SMAD2: variants seen among roughly 807,000 people sequenced by gnomAD.
SMAD2 encodes the protein MAD homolog 2.
A neutral mutation model predicts 64.4 loss-of-function variants in SMAD2; 8 were observed. That is an observed-to-expected ratio of 0.12 (90% confidence interval 0.07 to 0.22). SMAD2 has a LOEUF of 0.22. Ranked by LOEUF, SMAD2 falls within the 10% of genes least tolerant of loss-of-function variation. The probability of loss-of-function intolerance (pLI) is 1.00; values close to 1 mark genes in which losing one functional copy is unlikely to be tolerated. For synonymous variants in SMAD2, 203 were observed against 195.8 expected, an observed-to-expected ratio of 1.04 and a Z score of -0.31; for missense variants, 289 against 561.2, an observed-to-expected ratio of 0.51 and a Z score of 4.90.
chr18:47,834,016 A>C lies in SMAD2; in HGVS notation c.*7811T>G. ...TAACATCAGTTACCTTAGCTGGATC[A>C]CTAAGTGTGAGTCTCACCACCATAC... On this transcript the variant is annotated 3_prime_UTR_variant, in exon 11 of 11. Transcript: ENST00000262160. 1 of 221,842 alleles carries C rather than the reference A, an allele frequency of 4.5e-6. No homozygotes were observed. The highest frequency in any genetic ancestry group is 6.5e-5 in the East Asian group (1 of 15,310). The allele number at this position is 221,842 out of a possible 1,614,324, so 13.7% of individuals were successfully genotyped here. A position where few individuals can be genotyped will look rare whatever the true frequency, so the allele number is the denominator to read the frequency against.
chr18:47,881,703 A>G (rs936772727), intron 2 of SMAD2, among the ~76,000 whole-genome samples: 1 of 152,170 alleles, frequency 6.6e-6, no homozygotes, highest in Non-Finnish European at 1.5e-5. Flanking sequence ...GTAAATCCTT[A>G]GCTGTTAGTG....
Position 47,838,108 on chromosome 18 carries a change from C to T in SMAD2, c.*3719G>A, listed in dbSNP as rs11082635. On this transcript the variant is annotated 3_prime_UTR_variant, in exon 11 of 11. Transcript: ENST00000262160. The stretch of plus-strand genomic sequence containing the variant: ...TTATTTGATTTCAACTAGCAAGAGA[C>T]TAAGACTGATGTTTGTTTGTTTGTT... The T allele has an allele frequency of 4.3e-6, 1 of 232,884 alleles. No individual in the cohort carries two copies. Among genetic ancestry groups the T allele is most frequent in the South Asian group, 1.8e-4 (1 of 5,516 alleles). The allele number at this position is 232,884 out of a possible 1,614,324, so 14.4% of individuals were successfully genotyped here. A position where few individuals can be genotyped will look rare whatever the true frequency, so the allele number is the denominator to read the frequency against.
At chr18:47,869,534 G>A (rs533486284) in intron 3 of SMAD2, 98 bp from the exon 4 acceptor site, 1 of 825,154 alleles carries the variant, frequency 1.2e-6, no homozygotes, top group South Asian at 1.6e-5. Flanking sequence ...AAAGCATAAA[G>A]AAAAGAATGA....
At chr18:47,855,983 GAATA>G (rs1416979991) in intron 6 of SMAD2, among the ~76,000 whole-genome samples, 3 of 152,066 alleles carry the variant, frequency 2.0e-5, no homozygotes, top group African/African-American at 4.8e-5. Context: ...ATCAACAGAT[GAATA>G]AATAAAGAAA....
chr18:47,859,678 A>G (rs1486012544), intron 6 of SMAD2, among the ~76,000 whole-genome samples: 1 of 152,196 alleles, frequency 6.6e-6, no homozygotes, highest in African/African-American at 2.4e-5. Context: ...TGTGTACATT[A>G]TAAACAAATC....
chr18:47,917,523 A>ATT (rs2144531787), intron 1 of SMAD2, among the ~76,000 whole-genome samples: 1 of 151,876 alleles, frequency 6.6e-6, no homozygotes, highest in Non-Finnish European at 1.5e-5. Context: ...ATACCTATGC[A>ATT]TTTTTCTTTT....
chr18:47,877,096 AAAGT>A (rs1364746509), intron 2 of SMAD2, among the ~76,000 whole-genome samples: 1 of 152,098 alleles, frequency 6.6e-6, no homozygotes, highest in Non-Finnish European at 1.5e-5. Flanking sequence ...ACCAATAACA[AAAGT>A]AATAAACCCC....
chr18:47,896,768 A>G lies in SMAD2; in HGVS notation c.-12T>C, dbSNP rs1259478939. The G allele has an allele frequency of 1.2e-6, 2 of 1,613,014 alleles. No homozygotes were observed. The highest frequency in any genetic ancestry group is 1.7e-6 in the Non-Finnish European group (2 of 1,179,544). On this transcript the variant is annotated 5_prime_UTR_variant, in exon 2 of 11. Transcript: ENST00000262160. ...AAGATGGACGACATGTTCTTACCAA[A>G]GGCAGCAAGCCACGCTAGGAAAACA...
chr18:47,851,173 C>T (rs1026044254), intron 7 of SMAD2, 101 bp downstream of exon 7: 5 of 832,888 alleles, frequency 6.0e-6, no homozygotes, highest in Non-Finnish European at 1.0e-5. Flanking sequence ...TCATTAGGAT[C>T]CCTTTCTCGG....
chr18:47,860,364 T>TGGGC lies in SMAD2; in HGVS notation c.730+4691_730+4694dup, dbSNP rs200344141. 2.3e-3 allele frequency among the ~76,000 whole-genome samples: 354 copies of TGGGC among 152,130 alleles called. 7 individuals carry two copies. In the East Asian group the frequency reaches 0.057, roughly 24 times the overall value. On this transcript the variant is annotated intron_variant, in intron 6 of 10. Coordinates refer to ENST00000262160, the MANE Select transcript of SMAD2 (RefSeq NM_005901.6). ...ATGGCTCAATGCAACCTCCACCTCC[T>TGGGC]GGGCTCAAGTGACCCTCCCACCTTA...
chr18:47,868,196 C>A (rs1339522376), intron 5 of SMAD2, 127 bp downstream of exon 5: 16 of 808,554 alleles, frequency 2.0e-5, no homozygotes, highest in Admixed American at 1.1e-4. Context: ...CCCAACGAAT[C>A]CAATTTTTCT....
chr18:47,896,315 A>T (rs1262238369), intron 2 of SMAD2, among the ~76,000 whole-genome samples: 5 of 152,272 alleles, frequency 3.3e-5, no homozygotes, highest in Non-Finnish European at 7.3e-5. Flanking sequence ...AAATCTAAGT[A>T]TCTTATTTAG....
rs191183490 is a variant in SMAD2, at chr18:47,853,873, A to G, written c.731-2546T>C. ...AAATTCACTGCTGTTTCCTGAAACC[A>G]ACATAAAATAAACAAAGCCACTATT... On this transcript the variant is annotated intron_variant, in intron 6 of 10. Coordinates refer to ENST00000262160, the MANE Select transcript of SMAD2 (RefSeq NM_005901.6). 8.5e-4 allele frequency among the ~76,000 whole-genome samples: 130 copies of G among 152,320 alleles called. 3 individuals carry two copies. The East Asian group carries it at 0.021, about 24-fold the overall frequency.
chr18:47,884,325 G>A (rs969147859), intron 2 of SMAD2, among the ~76,000 whole-genome samples: 2 of 152,058 alleles, frequency 1.3e-5, no homozygotes, highest in African/African-American at 4.8e-5. Context: ...CTTCAACAGT[G>A]CCATGAATCA....
intron 2 of SMAD2, among the ~76,000 whole-genome samples, chr18:47,892,252 T>C (rs942465068): frequency 6.6e-6 from 1 of 151,422 alleles, no homozygotes; most frequent in Non-Finnish European, 1.5e-5. Context: ...CAAGCTGCAG[T>C]GCAGTGGCTC....
chr18:47,923,370 A>C (rs1598904142), intron 1 of SMAD2, among the ~76,000 whole-genome samples: 1 of 152,208 alleles, frequency 6.6e-6, no homozygotes, highest in South Asian at 2.1e-4. Context: ...CAATTAAAGC[A>C]AAGTCTAGAG....
chr18:47,922,666 G>A (rs904895669), intron 1 of SMAD2: 4 of 152,066 alleles, frequency 2.6e-5, no homozygotes, highest in African/African-American at 9.7e-5. Flanking sequence ...CTACAAGGCA[G>A]AGAAAAAAAC....
At chr18:47,880,763 G>A (rs2032539993) in intron 2 of SMAD2, among the ~76,000 whole-genome samples, 1 of 152,152 alleles carries the variant, frequency 6.6e-6, no homozygotes, top group Non-Finnish European at 1.5e-5. Context: ...TCTTCCAAAA[G>A]TCTTCATTTT....
At chr18:47,847,970 T>C (rs992981362) in intron 8 of SMAD2, among the ~76,000 whole-genome samples, 2 of 152,148 alleles carry the variant, frequency 1.3e-5, no homozygotes, top group African/African-American at 2.4e-5. Flanking sequence ...CATTTTGAGA[T>C]GTCCCTGAAT....
Sources: gnomAD v4.1 joint callset for allele counts (sites outside exome capture counted in the v4.1 genomes callset) on GRCh38, gnomAD v4.1.1 for gene constraint, MANE v1.5 for transcripts, NCBI Gene and HGNC (gene_info 2026-07-23, HGNC 2026-07-21) for gene names.